The following CEP112 variants were observed in gnomAD, a reference collection of about 807,000 sequenced individuals.
The protein encoded by CEP112 is centrosomal protein of 112 kDa.
A neutral mutation model predicts 153.0 loss-of-function variants in CEP112; 127 were observed. The observed-to-expected ratio is 0.83, with a 90% CI of 0.72 to 0.96. The LOEUF (loss-of-function observed/expected upper bound fraction) is 0.96, where lower values mean the gene tolerates loss of function less well. Ranked by LOEUF, CEP112 falls within the 40% of genes least tolerant of loss-of-function variation. CEP112 has a pLI of 0.00. For missense variants in CEP112, 1,089 were observed against 1,101.2 expected (o/e 0.99, Z 0.16); for synonymous variants, 358 against 374.4 (o/e 0.96, Z 0.51).
chr17:65,649,120 T>A (rs1220542574), intron 24 of CEP112, among the ~76,000 whole-genome samples: 1 of 126,656 alleles, frequency 7.9e-6, no homozygotes, highest in Non-Finnish European at 1.9e-5. Flanking sequence ...ACACACACAC[T>A]GTATCAACCA....
At chr17:66,187,570 T>G (rs76195822) in intron 1 of CEP112, among the ~76,000 whole-genome samples, 149 of 152,298 alleles carry the variant, frequency 9.8e-4, no homozygotes, top group Non-Finnish European at 1.7e-3. Flanking sequence ...CCCTACTGCC[T>G]CAGATCATTC....
At chr17:65,704,650 G>T (rs1238380581) in intron 23 of CEP112, among the ~76,000 whole-genome samples, 1 of 152,206 alleles carries the variant, frequency 6.6e-6, no homozygotes, top group Non-Finnish European at 1.5e-5. Flanking sequence ...CAATAGAATA[G>T]ATGGCTCCTT....
At chr17:66,069,489 C>A (rs2067235281) in intron 9 of CEP112, among the ~76,000 whole-genome samples, 1 of 152,018 alleles carries the variant, frequency 6.6e-6, no homozygotes, top group South Asian at 2.1e-4. Context: ...AAAATGCATA[C>A]AAGTCCAAGA....
chr17:65,804,062 C>T (rs2055439774), intron 21 of CEP112, among the ~76,000 whole-genome samples: 1 of 152,096 alleles, frequency 6.6e-6, no homozygotes, highest in African/African-American at 2.4e-5. Context: ...AAAGAAACAA[C>T]ATTAAATGAA....
intron 23 of CEP112, among the ~76,000 whole-genome samples, chr17:65,735,459 AC>A (rs1429624447): frequency 6.6e-6 from 1 of 151,996 alleles, no homozygotes; most frequent in Non-Finnish European, 1.5e-5. Context: ...TTGAGATTTA[AC>A]AAAATCAATA....
intron 20 of CEP112, among the ~76,000 whole-genome samples, chr17:65,874,420 T>G (rs901001923): frequency 1.3e-5 from 2 of 152,178 alleles, no homozygotes; most frequent in African/African-American, 4.8e-5. Context: ...TTTGTTTTAC[T>G]TTATCAACAA....
At chr17:66,168,106 A>G (rs2072058457) in intron 4 of CEP112, among the ~76,000 whole-genome samples, 1 of 152,238 alleles carries the variant, frequency 6.6e-6, no homozygotes, top group African/African-American at 2.4e-5. Flanking sequence ...ACTGAACAGT[A>G]TCTATCAAAA....
intron 21 of CEP112, among the ~76,000 whole-genome samples, chr17:65,787,364 T>C (rs947084958): frequency 2.0e-5 from 3 of 152,136 alleles, no homozygotes; most frequent in Non-Finnish European, 4.4e-5. Flanking sequence ...GCAACTGTAG[T>C]CCCAGCTACT....
chr17:65,831,556 CAAAA>C (rs773211558), intron 21 of CEP112, among the ~76,000 whole-genome samples: 1 of 87,384 alleles, frequency 1.1e-5, no homozygotes, highest in East Asian at 3.5e-4. Flanking sequence ...GACTCCTTCT[CAAAA>C]AAAAAAAAAA....
intron 4 of CEP112, among the ~76,000 whole-genome samples, chr17:66,142,510 T>C (rs893985352): frequency 2.6e-5 from 4 of 152,200 alleles, no homozygotes; most frequent in Admixed American, 2.0e-4. Context: ...TTAACGCATT[T>C]CTAGTTGATT....
chr17:66,060,028 G>C (rs2066861633), intron 11 of CEP112, among the ~76,000 whole-genome samples: 1 of 152,012 alleles, frequency 6.6e-6, no homozygotes, highest in African/African-American at 2.4e-5. Context: ...ATAATCCTAA[G>C]CAAATTAATG....
intron 21 of CEP112, among the ~76,000 whole-genome samples, chr17:65,822,672 T>C (rs1352351549): frequency 2.0e-5 from 3 of 152,188 alleles, no homozygotes; most frequent in Non-Finnish European, 4.4e-5. Context: ...TGATTCTTCA[T>C]AGGTTAGATT....
At chr17:65,937,544 G>T (rs2061365285) in intron 18 of CEP112, among the ~76,000 whole-genome samples, 2 of 115,574 alleles carry the variant, frequency 1.7e-5, no homozygotes, top group African/African-American at 3.2e-5. Context: ...TGCCCGGCCA[G>T]CCGCCCCGTC....
chr17:65,660,241 T>TC (rs201939028), intron 24 of CEP112, among the ~76,000 whole-genome samples: 12,692 of 125,938 alleles, frequency 0.1, 690 homozygotes, highest in Non-Finnish European at 0.12. Context: ...CCTTCCTCTT[T>TC]TTTGTTTTCT....
intron 23 of CEP112, among the ~76,000 whole-genome samples, chr17:65,707,025 C>A (rs1314126794): frequency 1.3e-5 from 2 of 152,196 alleles, no homozygotes; most frequent in Non-Finnish European, 1.5e-5. Context: ...TTGCCACTAA[C>A]CCCTGTGGAT....
At chr17:66,102,363 T>G (rs1018766927) in intron 6 of CEP112, among the ~76,000 whole-genome samples, 2 of 152,188 alleles carry the variant, frequency 1.3e-5, no homozygotes, top group African/African-American at 4.8e-5. Flanking sequence ...GCTTTTAATT[T>G]TATATTTTCA....
chr17:65,897,794 T>C (rs760226186), intron 20 of CEP112, among the ~76,000 whole-genome samples: 20 of 152,184 alleles, frequency 1.3e-4, no homozygotes, highest in Non-Finnish European at 2.4e-4. Context: ...ATCTAAAGTT[T>C]CCCCACCAGA....
intron 20 of CEP112, among the ~76,000 whole-genome samples, chr17:65,868,889 G>C (rs1480528431): frequency 6.6e-6 from 1 of 152,156 alleles, no homozygotes; most frequent in Non-Finnish European, 1.5e-5. Context: ...TACAGGTGAG[G>C]CAACATTTTG....
At chr17:66,108,705 A>G (rs2068889179) in intron 6 of CEP112, among the ~76,000 whole-genome samples, 1 of 152,206 alleles carries the variant, frequency 6.6e-6, no homozygotes, top group Non-Finnish European at 1.5e-5. Flanking sequence ...AACAGGGTAG[A>G]GATTCCTCAA....
Sources: gnomAD v4.1 joint callset for allele counts (sites outside exome capture counted in the v4.1 genomes callset) on GRCh38, gnomAD v4.1.1 for gene constraint, MANE v1.5 for transcripts, NCBI Gene and HGNC (gene_info 2026-07-23, HGNC 2026-07-21) for gene names.